COX7B2: variants seen among roughly 807,000 people sequenced by gnomAD.
COX7B2 encodes the protein cytochrome c oxidase subunit 7B2, also known as cytochrome c oxidase subunit 7B2, mitochondrial.
For missense variants in COX7B2, 109 were observed against 95.9 expected, an observed-to-expected ratio of 1.14 and a Z score of -0.57; for synonymous variants, 37 against 32.1, an observed-to-expected ratio of 1.15 and a Z score of -0.51.
At chr4:46,904,621 A>T (rs1720266358) in intron 1 of COX7B2, among the ~76,000 whole-genome samples, 1 of 152,214 alleles carries the variant, frequency 6.6e-6, no homozygotes, top group East Asian at 1.9e-4. Flanking sequence ...TACAGGGAGA[A>T]ATTTGGTAAT....
At chr4:46,818,648 AAAG>A (rs1714028216) in intron 2 of COX7B2, among the ~76,000 whole-genome samples, 1 of 151,620 alleles carries the variant, frequency 6.6e-6, no homozygotes. Flanking sequence ...AAAAAAAAAA[AAAG>A]AAAGAAAGAA....
At chr4:46,772,596 CTGGGAAGGAGGAA>C (rs1716937073) in intron 2 of COX7B2, among the ~76,000 whole-genome samples, 1 of 151,658 alleles carries the variant, frequency 6.6e-6, no homozygotes, top group East Asian at 1.9e-4. Flanking sequence ...CTCATTAAAG[CTGGGAAGGAGGAA>C]AAAAGAAAGA....
rs1228184530 is a variant in COX7B2 at position 46,754,726 on chromosome 4, G to GTA, written c.-49-19486_-49-19485insTA. 2.5e-3 allele frequency among the ~76,000 whole-genome samples: 116 copies of GTA among 46,130 alleles called. 1 individual carries two copies. Among genetic ancestry groups the GTA allele is most frequent in the African/African-American group, 7.0e-3 (72 of 10,342 alleles). The allele number at this position is 46,130 out of a possible 152,430, so 30.3% of individuals were successfully genotyped here. On this transcript the variant is annotated intron_variant, in intron 2 of 2. Coordinates refer to ENST00000355591, the MANE Select transcript of COX7B2 (RefSeq NM_130902.3). The stretch of plus-strand genomic sequence containing the variant: ...TGTGTGTGTGTGTGTGTGTGTGTGT[G>GTA]TGTATATATATATATATATATATGA...
intron 2 of COX7B2, among the ~76,000 whole-genome samples, chr4:46,785,042 A>T (rs1025121815): frequency 1.3e-5 from 2 of 152,236 alleles, no homozygotes; most frequent in African/African-American, 4.8e-5. Context: ...ATATATAAAG[A>T]TATGAAAACA....
At chr4:46,759,814 A>G (rs891320482) in intron 2 of COX7B2, among the ~76,000 whole-genome samples, 2 of 75,108 alleles carry the variant, frequency 2.7e-5, no homozygotes, top group Non-Finnish European at 5.8e-5. Context: ...ATCTTATATA[A>G]GTTATATAAG....
intron 2 of COX7B2, among the ~76,000 whole-genome samples, chr4:46,813,152 G>A (rs1208160854): frequency 6.6e-6 from 1 of 152,040 alleles, no homozygotes; most frequent in Non-Finnish European, 1.5e-5. Context: ...TTGACTCTAG[G>A]GAGTAGGCCA....
intron 2 of COX7B2, among the ~76,000 whole-genome samples, chr4:46,840,680 A>C (rs1222766510): frequency 2.0e-5 from 3 of 151,990 alleles, no homozygotes; most frequent in Non-Finnish European, 2.9e-5. Context: ...CTTCATAAAT[A>C]ATGCTTTTCC....
At chr4:46,791,166 T>C (rs1718023422) in intron 2 of COX7B2, among the ~76,000 whole-genome samples, 1 of 151,220 alleles carries the variant, frequency 6.6e-6, no homozygotes, top group African/African-American at 2.4e-5. Context: ...ATCTGGCTAA[T>C]TTTTTGTATT....
At chr4:46,783,197 G>A (rs376382661) in intron 2 of COX7B2, among the ~76,000 whole-genome samples, 6 of 152,162 alleles carry the variant, frequency 3.9e-5, no homozygotes, top group African/African-American at 1.4e-4. Context: ...TTGCAACACT[G>A]TTTAGAACAT....
chr4:46,767,573 C>T (rs972473885), intron 2 of COX7B2, among the ~76,000 whole-genome samples: 8 of 152,090 alleles, frequency 5.3e-5, no homozygotes, highest in African/African-American at 1.7e-4. Flanking sequence ...GCACACAAAA[C>T]ATTCTCCAGG....
At chr4:46,796,313 T>C (rs1475416225) in intron 2 of COX7B2, among the ~76,000 whole-genome samples, 1 of 147,636 alleles carries the variant, frequency 6.8e-6, no homozygotes, top group Non-Finnish European at 1.5e-5. Context: ...TTTTTGCCCA[T>C]TTATGCAGCC....
chr4:46,893,521 A>AAATACATTC (rs1202476243), intron 1 of COX7B2, among the ~76,000 whole-genome samples: 1 of 152,172 alleles, frequency 6.6e-6, no homozygotes, highest in Non-Finnish European at 1.5e-5. Flanking sequence ...AATGTTTAAG[A>AAATACATTC]AATACATTCA....
At chr4:46,750,195 T>TACACACACACACAC (rs58139781) in intron 2 of COX7B2, among the ~76,000 whole-genome samples, 1,539 of 113,890 alleles carry the variant, frequency 0.014, 53 homozygotes, top group Middle Eastern at 0.032. Flanking sequence ...ATCCCATCTC[T>TACACACACACACAC]ACACACACAC....
chr4:46,819,850 T>C (rs1714151168), intron 2 of COX7B2, among the ~76,000 whole-genome samples: 1 of 152,230 alleles, frequency 6.6e-6, no homozygotes, highest in Admixed American at 6.5e-5. Context: ...ACCTTGATCA[T>C]CCTAATCCTT....
intron 1 of COX7B2, among the ~76,000 whole-genome samples, chr4:46,858,087 A>T (rs1407413355): frequency 1.3e-5 from 2 of 152,102 alleles, no homozygotes; most frequent in East Asian, 3.9e-4. Context: ...ACTGAAAAAA[A>T]GTAAACAATT....
At chr4:46,798,531 T>C (rs1412263907) in intron 2 of COX7B2, among the ~76,000 whole-genome samples, 1 of 152,116 alleles carries the variant, frequency 6.6e-6, no homozygotes, top group Non-Finnish European at 1.5e-5. Context: ...GGCAAACCCA[T>C]GTGGGTGAAT....
chr4:46,863,520 C>A (rs538123865), intron 1 of COX7B2, among the ~76,000 whole-genome samples: 1 of 152,284 alleles, frequency 6.6e-6, no homozygotes, highest in East Asian at 1.9e-4. Flanking sequence ...GCAAGATCTT[C>A]TTAAGATATT....
chr4:46,895,625 A>G (rs531999109), intron 1 of COX7B2, among the ~76,000 whole-genome samples: 1 of 152,302 alleles, frequency 6.6e-6, no homozygotes, highest in Non-Finnish European at 1.5e-5. Context: ...ACCTGCACAT[A>G]TACCCCTAAA....
At chr4:46,753,741 C>T (rs1715561065) in intron 2 of COX7B2, among the ~76,000 whole-genome samples, 1 of 151,840 alleles carries the variant, frequency 6.6e-6, no homozygotes, top group Non-Finnish European at 1.5e-5. Context: ...AGAGCTTCTG[C>T]AGAGCAAAAG....
Sources: allele counts gnomAD v4.1 joint callset (sites outside exome capture counted in the v4.1 genomes callset), GRCh38; gene constraint gnomAD v4.1.1; transcripts MANE v1.5; gene names NCBI Gene and HGNC (gene_info 2026-07-23, HGNC 2026-07-21).